The following RIPOR3 variants were observed in gnomAD, a reference collection of about 807,000 sequenced individuals.
RIPOR3 encodes family with sequence similarity 65 member C.
A neutral mutation model predicts 114.3 loss-of-function variants in RIPOR3; 95 were observed. The ratio of observed to expected loss-of-function variants is 0.83; its 90% CI spans 0.70 to 0.99. The LOEUF (loss-of-function observed/expected upper bound fraction) is 0.99, where lower values mean the gene tolerates loss of function less well. RIPOR3 is among the 50% of genes least tolerant of loss of function. The pLI, the probability that RIPOR3 is intolerant of heterozygous loss-of-function variation, is 0.00. For missense variants in RIPOR3, 1,252 were observed against 1,266.9 expected, an observed-to-expected ratio of 0.99 and a Z score of 0.18; for synonymous variants, 575 against 543.8, an observed-to-expected ratio of 1.06 and a Z score of -0.80.
chr20:50,655,172 A>G (rs941464879), intron 1 of RIPOR3, among the ~76,000 whole-genome samples: 2 of 152,208 alleles, frequency 1.3e-5, no homozygotes, highest in Non-Finnish European at 2.9e-5. Flanking sequence ...CTGACTGTAC[A>G]TTCTTCCTGC....
Position 50,596,276 on chromosome 20 carries a change from GA to G in RIPOR3, c.1791-14del. On this transcript the variant is annotated splice_polypyrimidine_tract_variant and intron_variant, in intron 14 of 21. Coordinates refer to ENST00000327979, the MANE Select transcript of RIPOR3 (RefSeq NM_001290268.2). ...GGGCCGGTCCTTTCTGAGTTGAATT[GA>G]GAACTGGGTGACCATTCCAGTTAGC... The G allele has an allele frequency of 8.7e-6, 14 of 1,614,046 alleles. No individual in the cohort carries two copies. Among genetic ancestry groups the G allele is most frequent in the Non-Finnish European group, 1.2e-5 (14 of 1,179,996 alleles).
chr20:50,639,042 A>G (rs779660071), intron 1 of RIPOR3, among the ~76,000 whole-genome samples: 8 of 152,150 alleles, frequency 5.3e-5, no homozygotes, highest in South Asian at 2.1e-4. Context: ...AGGAGTTTGA[A>G]ACCAGCCTGG....
chr20:50,630,654 C>T, intron 2 of RIPOR3, 84 bp downstream of exon 2: 1 of 1,195,906 alleles, frequency 8.4e-7, no homozygotes, highest in Non-Finnish European at 1.2e-6. Context: ...TCTCTGGCAG[C>T]AGGAGGAGGA....
At chr20:50,591,738 AAC>A (rs1018231520) in intron 19 of RIPOR3, among the ~76,000 whole-genome samples, 3 of 152,220 alleles carry the variant, frequency 2.0e-5, no homozygotes, top group Non-Finnish European at 2.9e-5. Context: ...AAATGGACTG[AAC>A]ACAGTGACCC....
chr20:50,673,245 G>A (rs1001861737), intron 1 of RIPOR3, among the ~76,000 whole-genome samples: 5 of 152,134 alleles, frequency 3.3e-5, no homozygotes, highest in Admixed American at 2.0e-4. Context: ...TAGGTGCCAC[G>A]CGCCCATGCA....
intron 1 of RIPOR3, among the ~76,000 whole-genome samples, chr20:50,654,905 C>A (rs1304890395): frequency 2.6e-5 from 4 of 152,102 alleles, no homozygotes; most frequent in Non-Finnish European, 5.9e-5. Flanking sequence ...ACCACCACAC[C>A]AGCTACTTTT....
chr20:50,653,340 G>T (rs2085684877), intron 1 of RIPOR3: 1 of 152,042 alleles, frequency 6.6e-6, no homozygotes, highest in Admixed American at 6.6e-5. Context: ...ATAGGTATGG[G>T]GTTTCTTTCT....
chr20:50,663,094 CA>C (rs35856275), intron 1 of RIPOR3, among the ~76,000 whole-genome samples: 21,387 of 69,400 alleles, frequency 0.31, 1,283 homozygotes, highest in East Asian at 0.39. Context: ...GAGACTGTCT[CA>C]AAAAAAAAAA....
chr20:50,690,393 C>A (rs908779506), intron 1 of RIPOR3, among the ~76,000 whole-genome samples: 9 of 152,204 alleles, frequency 5.9e-5, no homozygotes, highest in Admixed American at 1.3e-4. Context: ...TCGTTCAAGC[C>A]TGGAGCCCCT....
intron 21 of RIPOR3, among the ~76,000 whole-genome samples, 162 bp downstream of exon 21, chr20:50,587,640 G>A (rs2082964317): frequency 6.6e-6 from 1 of 152,254 alleles, no homozygotes; most frequent in African/African-American, 2.4e-5. Context: ...TTGGCAGGAT[G>A]CTACAAAGGG....
rs749836621 is a variant in RIPOR3, at chr20:50,602,463, G to A, written c.1268C>T (p.Ser423Leu). 2.2e-5 allele frequency: 35 copies of A among 1,564,366 alleles called. No homozygotes were observed. The highest frequency in any genetic ancestry group is 1.6e-4 in the African/African-American group (12 of 73,428). The change falls in exon 13 of 22, where the codon TCG (serine) becomes TTG (leucine). Residue 423 changes from serine (S) to leucine (L), a missense_variant. Coordinates refer to ENST00000327979, the MANE Select transcript of RIPOR3 (RefSeq NM_001290268.2). The surrounding 1 kb of genome is among the most constrained non-coding windows in gnomAD (Gnocchi z 4.3). The part of the protein sequence containing the change: ...EDPRDTETST[S>L]ASTSDVGFLP... ...GAAGCCCACATCTGAGGTGGACGCC[G>A]ACGTGCTGGTCTCCGTGTCTCGGGG...
intron 1 of RIPOR3, among the ~76,000 whole-genome samples, chr20:50,669,384 T>C (rs2086380845): frequency 6.6e-6 from 1 of 152,220 alleles, no homozygotes; most frequent in Middle Eastern, 3.2e-3. Context: ...GTAATATTAA[T>C]AGCTCGAAAA....
intron 1 of RIPOR3, among the ~76,000 whole-genome samples, chr20:50,678,150 G>T (rs1366364019): frequency 4.6e-5 from 7 of 152,156 alleles, no homozygotes; most frequent in African/African-American, 1.7e-4. Flanking sequence ...CTAAACCGGT[G>T]GCTGATATAG....
At position 50,597,531 on chromosome 20, in the gene RIPOR3, C is replaced by T. The variant is rs1224012205; in HGVS notation, c.1790+49G>A. On this transcript the variant is annotated intron_variant, in intron 14 of 21. Transcript: ENST00000327979. ...CAGGAAACGTGGAGCTCGGGTCACC[C>T]GGTGGGAGTGGTGGCCACTGGGTCA... 11 of 1,567,238 alleles carry T rather than the reference C, an allele frequency of 7.0e-6. 1 individual carries two copies. Among genetic ancestry groups the T allele is most frequent in the Middle Eastern group, 3.5e-4 (2 of 5,768 alleles).
intron 17 of RIPOR3, among the ~76,000 whole-genome samples, chr20:50,593,933 T>G (rs953036609): frequency 6.6e-6 from 1 of 151,966 alleles, no homozygotes; most frequent in Non-Finnish European, 1.5e-5. Context: ...GTTCATTCTT[T>G]ACCCGTCAGG....
chr20:50,644,837 A>AT (rs1201285050), intron 1 of RIPOR3, among the ~76,000 whole-genome samples: 61 of 106,716 alleles, frequency 5.7e-4, no homozygotes, highest in African/African-American at 2.6e-3. Context: ...TTTATTTTTT[A>AT]TTTTTTATTT....
At position 50,620,112 on chromosome 20, in the gene RIPOR3, G is replaced by T; in HGVS notation, c.143C>A (p.Ser48Tyr). 6.2e-7 allele frequency: 1 copy of T among 1,614,120 alleles called. No homozygotes were observed. The highest frequency in any genetic ancestry group is 8.5e-7 in the Non-Finnish European group (1 of 1,180,032). ...RRIAKSINRN[S>Y]VRSRMPAKSS... ...TTTTGCAGGCATTCGCGATCTCACG[G>T]AGTTCCTGTTGATGGACTTTCTGTG... is the stretch of plus-strand genomic sequence containing the variant. Residue 48 changes from serine to tyrosine, a missense_variant, in exon 3 of 22, where the codon TCC (serine) becomes TAC (tyrosine). Physicochemically the swap from Ser to Tyr is moderately radical, Grantham distance 144. Transcript: ENST00000327979.
rs558377695 is a variant in RIPOR3 at position 50,616,869 on chromosome 20, G to A, written c.270-789C>T. Among the ~76,000 whole-genome samples, 160 of 152,296 alleles carry A rather than the reference G, an allele frequency of 1.1e-3. 1 individual carries two copies. The highest frequency in any genetic ancestry group is 3.7e-3 in the African/African-American group (153 of 41,580). On this transcript the variant is annotated intron_variant, in intron 3 of 21. Transcript: ENST00000327979. ...TCAAGGTCAAGGGTCTAGGCCGGGC[G>A]CCGTGGCTGACGCCTGTAATCCTAA...
At chr20:50,636,315 C>T (rs1600647141) in intron 1 of RIPOR3, among the ~76,000 whole-genome samples, 1 of 152,314 alleles carries the variant, frequency 6.6e-6, no homozygotes, top group Admixed American at 6.5e-5. Flanking sequence ...CAAATGGAGG[C>T]TGGGTGCTGG....
Sources: allele counts gnomAD v4.1 joint callset (sites outside exome capture counted in the v4.1 genomes callset), GRCh38; gene constraint gnomAD v4.1.1; non-coding constraint Gnocchi (gnomAD v3.1); transcripts MANE v1.5; gene names NCBI Gene and HGNC (gene_info 2026-07-23, HGNC 2026-07-21).